The following ARHGAP26 variants were observed in gnomAD, a reference collection of about 807,000 sequenced individuals.
ARHGAP26 encodes the protein Rho GTPase activating protein 26, also known as rho GTPase-activating protein 26.
ARHGAP26 carries 38 observed loss-of-function variants against 104.8 expected under a neutral mutation model. The observed-to-expected ratio is 0.36, with a 90% confidence interval of 0.28 to 0.48. ARHGAP26 has a LOEUF of 0.48. Among genes scored for constraint, ARHGAP26 ranks in the 20% least tolerant of loss-of-function variants. The pLI, the probability that ARHGAP26 is intolerant of heterozygous loss-of-function variation, is 0.99. For synonymous variants in ARHGAP26, 341 were observed against 340.0 expected (o/e 1.00, Z -0.03); for missense variants, 704 against 947.9 (o/e 0.74, Z 3.38).
chr5:142,993,975 T>A (rs151973), intron 11 of ARHGAP26, among the ~76,000 whole-genome samples: 39,299 of 152,172 alleles, frequency 0.26, 5,468 homozygotes, highest in East Asian at 0.47. Flanking sequence ...AAGTTAATGT[T>A]AACTGAATCT....
chr5:142,851,095 C>A (rs923900836), intron 1 of ARHGAP26, among the ~76,000 whole-genome samples: 1 of 148,816 alleles, frequency 6.7e-6, no homozygotes, highest in Non-Finnish European at 1.5e-5. Flanking sequence ...ATGGAAAATA[C>A]ATTTTTTTTT....
intron 20 of ARHGAP26, among the ~76,000 whole-genome samples, chr5:143,186,138 T>A (rs1000013302): frequency 1.3e-5 from 2 of 152,250 alleles, no homozygotes; most frequent in African/African-American, 4.8e-5. Flanking sequence ...GCCTACCTTG[T>A]CCAGCTTAGG....
At chr5:143,091,827 A>G (rs1463551622) in intron 17 of ARHGAP26, among the ~76,000 whole-genome samples, 1 of 152,346 alleles carries the variant, frequency 6.6e-6, no homozygotes, top group South Asian at 2.1e-4. Flanking sequence ...ACTTTAGCCA[A>G]TATGTTTACA....
rs1260763056 is a variant in ARHGAP26, at chr5:142,774,941, A to G, written c.154+4026A>G. The stretch of plus-strand genomic sequence containing the variant: ...TCATTTCTTTTTATTGCTGAATAAT[A>G]TTCTGTTATCTAGATGTGCCATAGT... On this transcript the variant is annotated intron_variant, in intron 1 of 22. Transcript: ENST00000645722. Among the ~76,000 whole-genome samples, 5 of 152,018 alleles carry G rather than the reference A, an allele frequency of 3.3e-5. No individual in the cohort carries two copies. In the East Asian group the frequency reaches 9.6e-4, roughly 29 times the overall value.
At chr5:143,172,735 A>G (rs1317972862) in intron 20 of ARHGAP26, among the ~76,000 whole-genome samples, 2 of 152,192 alleles carry the variant, frequency 1.3e-5, no homozygotes, top group Non-Finnish European at 2.9e-5. Flanking sequence ...TTTGCTGGTG[A>G]TCGGCCTGGT....
intron 20 of ARHGAP26, among the ~76,000 whole-genome samples, chr5:143,162,274 A>AACACACACAC (rs771590759): frequency 1.9e-4 from 16 of 83,732 alleles, no homozygotes; most frequent in African/African-American, 8.7e-4. Flanking sequence ...TCTACTCCCA[A>AACACACACAC]ACACACACAT....
intron 17 of ARHGAP26, among the ~76,000 whole-genome samples, chr5:143,082,947 A>G (rs549965857): frequency 6.6e-6 from 1 of 152,290 alleles, no homozygotes; most frequent in Non-Finnish European, 1.5e-5. Flanking sequence ...TTATTTTGGT[A>G]TTCATAGCTA....
chr5:142,949,281 C>T (rs950724878), intron 11 of ARHGAP26, among the ~76,000 whole-genome samples: 11 of 132,232 alleles, frequency 8.3e-5, no homozygotes, highest in Admixed American at 8.0e-4. Context: ...CGAGCACTAC[C>T]GTCCAGTTTT....
At chr5:142,779,642 G>T (rs1376142666) in intron 1 of ARHGAP26, among the ~76,000 whole-genome samples, 2 of 152,146 alleles carry the variant, frequency 1.3e-5, no homozygotes, top group Non-Finnish European at 2.9e-5. Context: ...ATCTGATCTT[G>T]CTGTCACATC....
At chr5:143,145,298 C>T (rs3776279) in intron 19 of ARHGAP26, among the ~76,000 whole-genome samples, 23,717 of 152,140 alleles carry the variant, frequency 0.16, 3,964 homozygotes, top group African/African-American at 0.42. Flanking sequence ...GAGAATTATG[C>T]CATGCAAACT....
At chr5:143,209,717 T>G (rs6890829) in intron 21 of ARHGAP26, among the ~76,000 whole-genome samples, 66,402 of 151,408 alleles carry the variant, frequency 0.44, 16,069 homozygotes, top group African/African-American at 0.65. Flanking sequence ...GGAGGCAAAG[T>G]TTGCAGTGAG....
At chr5:143,156,149 T>A (rs1230626634) in intron 20 of ARHGAP26, among the ~76,000 whole-genome samples, 2 of 152,234 alleles carry the variant, frequency 1.3e-5, no homozygotes, top group Admixed American at 1.3e-4. Context: ...CTCTGTGTAT[T>A]TAATCTGAGG....
chr5:142,905,888 C>T (rs1248255229), intron 8 of ARHGAP26, among the ~76,000 whole-genome samples: 3 of 152,136 alleles, frequency 2.0e-5, no homozygotes, highest in African/African-American at 7.2e-5. Flanking sequence ...CCAGTTTTGC[C>T]AGTTGTATCA....
At chr5:142,779,561 A>T (rs1757078936) in intron 1 of ARHGAP26, among the ~76,000 whole-genome samples, 1 of 152,194 alleles carries the variant, frequency 6.6e-6, no homozygotes, top group Non-Finnish European at 1.5e-5. Context: ...TGCTGCTGCC[A>T]CACAGCAAAA....
chr5:143,081,406 T>A (rs1216229779), intron 17 of ARHGAP26, among the ~76,000 whole-genome samples: 1 of 152,200 alleles, frequency 6.6e-6, no homozygotes, highest in Non-Finnish European at 1.5e-5. Flanking sequence ...CTAAGCACGC[T>A]GTTTGGGGAA....
intron 11 of ARHGAP26, among the ~76,000 whole-genome samples, chr5:142,959,761 T>C (rs955896745): frequency 3.9e-5 from 6 of 152,256 alleles, no homozygotes; most frequent in Non-Finnish European, 8.8e-5. Context: ...GGGACTTTAA[T>C]TGTATCTGCA....
chr5:142,770,823 C>T lies in ARHGAP26; in HGVS notation c.62C>T (p.Thr21Met). The T allele has an allele frequency of 6.2e-7, 1 of 1,609,868 alleles. No homozygotes were observed. The highest frequency in any genetic ancestry group is 1.1e-5 in the South Asian group (1 of 90,716). ...CCLDSPHFRE[T>M]LKSHEAELDK... ...CTCGATAGTCCGCACTTCCGAGAGA[C>T]GCTCAAGTCGCACGAAGCAGAGCTG... The change falls in exon 1 of 23, where the codon ACG becomes ATG. Residue 21 changes from threonine to methionine, a missense_variant. Thr to Met is a moderately conservative substitution (Grantham distance 81, BLOSUM62 -1). Transcript: ENST00000645722.
intron 11 of ARHGAP26, among the ~76,000 whole-genome samples, chr5:143,012,563 ATATATATATATATT>A (rs1434439211): frequency 1.3e-5 from 1 of 77,716 alleles, no homozygotes; most frequent in Admixed American, 1.6e-4. Context: ...ATATATATAT[ATATATATATATATT>A]ATGATCAGGT....
chr5:143,085,382 T>A (rs1388726544), intron 17 of ARHGAP26, among the ~76,000 whole-genome samples: 5 of 151,714 alleles, frequency 3.3e-5, no homozygotes, highest in Non-Finnish European at 4.4e-5. Context: ...AGGTGGGTAA[T>A]GTAAAGAAAT....
Sources: gnomAD v4.1 joint callset for allele counts (sites outside exome capture counted in the v4.1 genomes callset) on GRCh38, gnomAD v4.1.1 for gene constraint, MANE v1.5 for transcripts, NCBI Gene and HGNC (gene_info 2026-07-23, HGNC 2026-07-21) for gene names.